ZNF532: variants seen among roughly 807,000 people sequenced by gnomAD.
ZNF532 encodes zinc finger protein 532.
In ZNF532, 22 loss-of-function variants were observed where a neutral mutation model predicts 89.3. The observed-to-expected ratio is 0.25, with a 90% CI of 0.18 to 0.35. ZNF532 has a LOEUF of 0.35. ZNF532 is among the 10% of genes least tolerant of loss of function. ZNF532 has a pLI of 1.00. For synonymous variants in ZNF532, 606 were observed against 649.6 expected (o/e 0.93, Z 1.02); for missense variants, 1,132 against 1,643.4 (o/e 0.69, Z 5.38).
chr18:58,879,325 T>C (rs899365849), intron 2 of ZNF532, among the ~76,000 whole-genome samples: 1 of 152,338 alleles, frequency 6.6e-6, no homozygotes, highest in East Asian at 1.9e-4. Context: ...GTAGAGTCAA[T>C]GAGAAGTGAG....
At chr18:58,958,217 G>A (rs2064998188) in intron 7 of ZNF532, among the ~76,000 whole-genome samples, 1 of 151,940 alleles carries the variant, frequency 6.6e-6, no homozygotes, top group South Asian at 2.1e-4. Flanking sequence ...GTCGTAATCT[G>A]ATATCAAGTC....
intron 2 of ZNF532, among the ~76,000 whole-genome samples, chr18:58,899,935 A>G (rs1040041993): frequency 2.6e-5 from 4 of 152,046 alleles, no homozygotes; most frequent in Non-Finnish European, 4.4e-5. Flanking sequence ...TCAGTTATTA[A>G]TATTTATAAT....
chr18:58,899,066 G>C (rs754904891), intron 2 of ZNF532, among the ~76,000 whole-genome samples: 2 of 152,270 alleles, frequency 1.3e-5, no homozygotes, highest in Non-Finnish European at 2.9e-5. Context: ...GTAGATTGCT[G>C]TGGGGATCCA....
At chr18:58,971,446 C>G (rs992851880) in intron 7 of ZNF532, among the ~76,000 whole-genome samples, 4 of 152,182 alleles carry the variant, frequency 2.6e-5, no homozygotes, top group African/African-American at 9.7e-5. Flanking sequence ...GGGCCTGCCA[C>G]CTGTTTTTGT....
intron 5 of ZNF532, among the ~76,000 whole-genome samples, chr18:58,942,239 G>A (rs888790128): frequency 1.3e-5 from 2 of 150,412 alleles, no homozygotes; most frequent in Non-Finnish European, 3.0e-5. Context: ...AGCCAGGATG[G>A]TCTCGAACTC....
chr18:58,888,815 TTA>T lies in ZNF532; in HGVS notation c.-18+23245_-18+23246del, dbSNP rs1308544095. On this transcript the variant is annotated intron_variant, in intron 2 of 9. Transcript: ENST00000591808. The stretch of plus-strand genomic sequence containing the variant: ...ATATATAATTTATATATATAAAAAA[TTA>T]TATATATAAATTATATATATAATTT... 3.6e-4 allele frequency among the ~76,000 whole-genome samples: 6 copies of T among 16,810 alleles called. 1 individual carries two copies. The highest frequency in any genetic ancestry group is 9.7e-4 in the Admixed American group (1 of 1,036). 11.0% of individuals were successfully genotyped at this position (16,810 alleles called of 152,430 possible).
chr18:58,863,087 C>T (rs1331205926), upstream of ZNF532: 1 of 152,248 alleles, frequency 6.6e-6, no homozygotes, highest in Non-Finnish European at 1.5e-5. Flanking sequence ...AACAAACCAC[C>T]ACCTTGGCTT....
At chr18:58,891,932 C>T (rs2058929401) in intron 2 of ZNF532, among the ~76,000 whole-genome samples, 1 of 152,142 alleles carries the variant, frequency 6.6e-6, no homozygotes, top group Non-Finnish European at 1.5e-5. Flanking sequence ...GGCCAAGATC[C>T]TTTAGGAAAA....
intron 2 of ZNF532, among the ~76,000 whole-genome samples, chr18:58,899,088 C>T (rs1161794461): frequency 6.6e-6 from 1 of 152,216 alleles, no homozygotes; most frequent in Admixed American, 6.5e-5. Flanking sequence ...GCGTTCACAG[C>T]GGCAAGCCTC....
intron 7 of ZNF532, among the ~76,000 whole-genome samples, chr18:58,957,849 A>G (rs1253963342): frequency 6.6e-6 from 1 of 152,108 alleles, no homozygotes; most frequent in Non-Finnish European, 1.5e-5. Flanking sequence ...GGATCACTTG[A>G]GGTCAGGAGT....
chr18:58,911,121 T>C (rs1259025437), intron 2 of ZNF532, among the ~76,000 whole-genome samples: 1 of 152,154 alleles, frequency 6.6e-6, no homozygotes, highest in Non-Finnish European at 1.5e-5. Flanking sequence ...GCAGGATATG[T>C]CCCAGTACTG....
At chr18:58,888,143 A>G (rs1350203308) in intron 2 of ZNF532, among the ~76,000 whole-genome samples, 2 of 151,726 alleles carry the variant, frequency 1.3e-5, no homozygotes, top group East Asian at 1.9e-4. Context: ...ATAAACCACA[A>G]TCATCATGAG....
chr18:58,889,863 C>T (rs1488368482), intron 2 of ZNF532, among the ~76,000 whole-genome samples: 1 of 152,064 alleles, frequency 6.6e-6, no homozygotes. Context: ...GGCAGGATCA[C>T]CTGAGGTCAG....
Position 58,918,511 on chromosome 18 carries a change from A to C in ZNF532, c.224A>C (p.Glu75Ala). 6.2e-7 allele frequency: 1 copy of C among 1,614,172 alleles called. No individual in the cohort carries two copies. Among genetic ancestry groups the C allele is most frequent in the East Asian group, 2.2e-5 (1 of 44,884 alleles). Residue 75 changes from glutamate (E) to alanine (A), a missense_variant, in exon 3 of 10, where the codon GAG becomes GCG. Transcript: ENST00000591808. ...VKNVRNIDSS[E>A]GGEKDGHNPT... ...AATGTTCGGAACATTGACTCTTCCGAGGGCGGGGAGAAAGACGGCCACAAC... is the reference window on the plus strand; with the variant it reads ...AATGTTCGGAACATTGACTCTTCCGCGGGCGGGGAGAAAGACGGCCACAAC...
At chr18:58,939,272 A>AAAAAAAAAAAAAAAAAAAAAAAC (rs2062769679) in intron 4 of ZNF532, among the ~76,000 whole-genome samples, 173 bp from the exon 5 acceptor site, 1 of 149,186 alleles carries the variant, frequency 6.7e-6, no homozygotes, top group Non-Finnish European at 1.5e-5. Flanking sequence ...AAAAAAAAAA[A>AAAAAAAAAAAAAAAAAAAAAAAC]AAACCCATAA....
At chr18:58,915,523 T>TG (rs1284332543) in intron 2 of ZNF532, among the ~76,000 whole-genome samples, 4 of 152,164 alleles carry the variant, frequency 2.6e-5, no homozygotes, top group African/African-American at 9.7e-5. Flanking sequence ...AGTTCCTCTC[T>TG]GGGGCCTTCT....
intron 5 of ZNF532, among the ~76,000 whole-genome samples, chr18:58,945,885 G>T (rs1004204757): frequency 1.3e-5 from 2 of 151,912 alleles, no homozygotes; most frequent in Non-Finnish European, 2.9e-5. Flanking sequence ...ACGCCACCAT[G>T]CCCTGCTAAT....
At chr18:58,914,621 A>G (rs1486084286) in intron 2 of ZNF532, among the ~76,000 whole-genome samples, 1 of 151,884 alleles carries the variant, frequency 6.6e-6, no homozygotes, top group East Asian at 1.9e-4. Flanking sequence ...CGGAGGTTGC[A>G]GTGAGCCGAG....
chr18:58,937,877 T>C (rs997541801), intron 4 of ZNF532, among the ~76,000 whole-genome samples: 1 of 152,244 alleles, frequency 6.6e-6, no homozygotes, highest in African/African-American at 2.4e-5. Flanking sequence ...TAGGTGGCTC[T>C]ATTGCCTGAA....
Sources: allele counts gnomAD v4.1 joint callset (sites outside exome capture counted in the v4.1 genomes callset), GRCh38; gene constraint gnomAD v4.1.1; transcripts MANE v1.5; gene names NCBI Gene and HGNC (gene_info 2026-07-23, HGNC 2026-07-21).